DNAH11: variants seen among roughly 807,000 people sequenced by gnomAD.
The protein encoded by DNAH11 is axonemal beta dynein heavy chain 11.
Under a neutral mutation model 526.0 loss-of-function variants are expected in DNAH11, and 442 were observed. The ratio of observed to expected loss-of-function variants is 0.84; its 90% CI spans 0.78 to 0.91. The LOEUF (loss-of-function observed/expected upper bound fraction) is 0.91, where lower values mean the gene tolerates loss of function less well. Ranked by LOEUF, DNAH11 falls within the 40% of genes least tolerant of loss-of-function variation. The pLI, the probability that DNAH11 is intolerant of heterozygous loss-of-function variation, is 0.00. For synonymous variants in DNAH11, 2,461 were observed against 1,935.9 expected (o/e 1.27, Z -7.12); for missense variants, 6,989 against 5,448.7 (o/e 1.28, Z -8.90).
chr7:21,776,906 C>A (rs36121046), intron 56 of DNAH11, among the ~76,000 whole-genome samples: 51,726 of 151,690 alleles, frequency 0.34, 9,840 homozygotes, highest in Non-Finnish European at 0.44. Context: ...AATCCACAGA[C>A]CTTATTCAGA....
At chr7:21,761,974 T>C (rs900494431) in intron 54 of DNAH11, among the ~76,000 whole-genome samples, 19 of 152,174 alleles carry the variant, frequency 1.2e-4, no homozygotes, top group African/African-American at 4.3e-4. Flanking sequence ...AGGAAACTTA[T>C]AATCATGGCA....
chr7:21,875,472 A>G (rs1018745288), intron 74 of DNAH11, among the ~76,000 whole-genome samples: 2 of 151,816 alleles, frequency 1.3e-5, no homozygotes, highest in Non-Finnish European at 2.9e-5. Flanking sequence ...AACTGTGGAC[A>G]CTCTCCCCAG....
chr7:21,651,716 A>G (rs1781780197), intron 28 of DNAH11, among the ~76,000 whole-genome samples: 1 of 152,248 alleles, frequency 6.6e-6, no homozygotes, highest in African/African-American at 2.4e-5. Flanking sequence ...TTCAGTCACT[A>G]AGGTTTGGTT....
At chr7:21,628,762 T>C (rs1027144189) in intron 25 of DNAH11, among the ~76,000 whole-genome samples, 1 of 152,142 alleles carries the variant, frequency 6.6e-6, no homozygotes, top group African/African-American at 2.4e-5. Flanking sequence ...CTTTTCTTTG[T>C]GTCCTTTTCT....
At chr7:21,852,863 G>T (rs574869286) in intron 67 of DNAH11, among the ~76,000 whole-genome samples, 47 of 152,274 alleles carry the variant, frequency 3.1e-4, no homozygotes, top group African/African-American at 1.0e-3. Flanking sequence ...ACACTGTCCG[G>T]CTATTATTTT....
chr7:21,779,229 C>T lies in DNAH11; in HGVS notation c.9483+125C>T, dbSNP rs1194986440. On this transcript the variant is annotated intron_variant, in intron 57 of 81. Transcript: ENST00000409508. ...AAAGTCTAAAGAATTATTATAGTTACACATGTAACAGCATTTCACACCGTG... is the reference window on the plus strand; with the variant it reads ...AAAGTCTAAAGAATTATTATAGTTATACATGTAACAGCATTTCACACCGTG... 3.4e-6 allele frequency: 4 copies of T among 1,188,114 alleles called. No homozygotes were observed. The South Asian group carries it at 5.6e-5, about 17-fold the overall frequency. The allele number at this position is 1,188,114 out of a possible 1,614,324, so 73.6% of individuals were successfully genotyped here.
intron 65 of DNAH11, among the ~76,000 whole-genome samples, chr7:21,822,526 C>CCCATTGTTGGACACTCAAAGTGT (rs1441996604): frequency 1.3e-4 from 20 of 152,246 alleles, no homozygotes; most frequent in African/African-American, 4.6e-4. Flanking sequence ...TCACAATTCA[C>CCCATTGTTGGACACTCAAAGTGT]CCATTGTTGG....
Position 21,801,235 on chromosome 7 carries a change from C to T in DNAH11, c.10125C>T (p.Thr3375=), listed in dbSNP as rs192345130. Residue 3375 remains threonine (T), a synonymous_variant, in exon 62 of 82, where the codon ACC becomes ACT. Coordinates refer to ENST00000409508, the MANE Select transcript of DNAH11 (RefSeq NM_001277115.2). ...CQEEVNQTNK[T]IKLANRLVKE... ...AAGAGGTGAACCAAACCAACAAAAC[C>T]ATCAAATTAGCTAACAGACTTGTCA... 1.9e-6 allele frequency: 3 copies of T among 1,613,834 alleles called. No homozygotes were observed. The highest frequency in any genetic ancestry group is 2.2e-5 in the South Asian group (2 of 91,030).
intron 2 of DNAH11, among the ~76,000 whole-genome samples, chr7:21,545,629 A>G (rs983319660): frequency 1.3e-5 from 2 of 152,242 alleles, no homozygotes; most frequent in African/African-American, 4.8e-5. Context: ...AAAGGTGATG[A>G]AAGTGTTAGA....
chr7:21,638,946 C>T lies in DNAH11; in HGVS notation c.4825C>T (p.Leu1609Phe), dbSNP rs886062177. The T allele has an allele frequency of 6.2e-7, 1 of 1,606,548 alleles. No homozygotes were observed. The highest frequency in any genetic ancestry group is 1.1e-5 in the South Asian group (1 of 89,068). Residue 1609 changes from leucine to phenylalanine, a missense_variant, in exon 28 of 82, where the codon CTT becomes TTT. By Grantham distance (22) the Leu-to-Phe change is conservative (BLOSUM62 0). Transcript: ENST00000409508. ...CATTTTTCATTCATGTAGGCTTTCT[C>T]TTTGTGAAAAAGCTCTCGCTGAATA... Reference protein sequence around the residue: ...KLKDLQSRLSLCEKALAEYLE... With the variant: ...KLKDLQSRLSFCEKALAEYLE...
chr7:21,667,803 G>A (rs1457535873), intron 30 of DNAH11, among the ~76,000 whole-genome samples: 22 of 151,966 alleles, frequency 1.4e-4, no homozygotes, highest in Non-Finnish European at 1.5e-5. Flanking sequence ...TAATAATTAA[G>A]TCAAAATCTA....
In DNAH11 at chr7:21,899,369, C is replaced by T. The variant is rs755777338; in HGVS notation, c.13083C>T (p.Leu4361=). 31 of 1,613,860 alleles carry T rather than the reference C, an allele frequency of 1.9e-5. No individual in the cohort carries two copies. Among genetic ancestry groups the T allele is most frequent in the East Asian group, 2.2e-5 (1 of 44,888 alleles). ...ACCTCCTCCTGCGATGCCGAGAACT[C>T]GATACTTGGACACAAGACCTTACCC... is the stretch of plus-strand genomic sequence containing the variant. The part of the protein sequence containing the change: ...FNDLLLRCRE[L]DTWTQDLTLP... Residue 4361 remains leucine, a synonymous_variant, in exon 80 of 82, where the codon CTC becomes CTT. Transcript: ENST00000409508.
intron 34 of DNAH11, 138 bp from the exon 35 acceptor site, chr7:21,690,626 TG>T: frequency 1.6e-6 from 1 of 610,202 alleles, no homozygotes; most frequent in South Asian, 2.3e-5. Flanking sequence ...AAAATATGTA[TG>T]GGCTTATGAA....
chr7:21,778,086 G>T (rs1176721066), intron 56 of DNAH11, among the ~76,000 whole-genome samples: 2 of 152,000 alleles, frequency 1.3e-5, no homozygotes, highest in African/African-American at 4.8e-5. Flanking sequence ...ACTGAGTCAT[G>T]TTTTTTTTCT....
chr7:21,598,433 C>T (rs1562689689), intron 14 of DNAH11, among the ~76,000 whole-genome samples: 1 of 152,142 alleles, frequency 6.6e-6, no homozygotes, highest in Non-Finnish European at 1.5e-5. Context: ...TTTGCCCCAA[C>T]TGGCTTGTCC....
intron 28 of DNAH11, 100 bp downstream of exon 28, chr7:21,639,165 C>T (rs1208717748): frequency 7.2e-7 from 1 of 1,382,858 alleles, no homozygotes; most frequent in African/African-American, 1.5e-5. Context: ...TCACGTGGGC[C>T]AGGAACTAGA....
intron 28 of DNAH11, among the ~76,000 whole-genome samples, chr7:21,640,466 AG>A (rs1442100368): frequency 1.4e-5 from 2 of 147,874 alleles, no homozygotes; most frequent in Non-Finnish European, 2.9e-5. Flanking sequence ...TCAATAAGTA[AG>A]TTAGCAGAGA....
At chr7:21,756,436 A>G (rs937302395) in intron 54 of DNAH11, among the ~76,000 whole-genome samples, 16 of 152,116 alleles carry the variant, frequency 1.1e-4, no homozygotes, top group African/African-American at 3.9e-4. Flanking sequence ...TGTTTATTAT[A>G]GCCCTATAGT....
At chr7:21,576,503 ATGTT>A (rs1356824036) in intron 8 of DNAH11, among the ~76,000 whole-genome samples, 2 of 152,180 alleles carry the variant, frequency 1.3e-5, no homozygotes, top group Non-Finnish European at 2.9e-5. Flanking sequence ...TATGGATAAT[ATGTT>A]TGATCCTTTC....
Sources: allele counts gnomAD v4.1 joint callset (sites outside exome capture counted in the v4.1 genomes callset), GRCh38; gene constraint gnomAD v4.1.1; transcripts MANE v1.5; gene names NCBI Gene and HGNC (gene_info 2026-07-23, HGNC 2026-07-21).